Variants in PCDHGA8 observed in about 807,000 individuals in gnomAD.
PCDHGA8 encodes the protein protocadherin gamma-A8.
In PCDHGA8, 45 loss-of-function variants were observed where a neutral mutation model predicts 59.2. The ratio of observed to expected loss-of-function variants is 0.76; its 90% CI spans 0.60 to 0.98. The LOEUF (loss-of-function observed/expected upper bound fraction) is 0.98. Among genes scored for constraint, PCDHGA8 ranks in the 50% least tolerant of loss-of-function variants. The pLI is 0.00. For synonymous variants in PCDHGA8, 531 were observed against 519.0 expected, an observed-to-expected ratio of 1.02 and a Z score of -0.32; for missense variants, 1,257 against 1,196.2, an observed-to-expected ratio of 1.05 and a Z score of -0.75.
chr5:141,444,467 G>C (rs1288596542), intron 1 of PCDHGA8, among the ~76,000 whole-genome samples: 2 of 151,998 alleles, frequency 1.3e-5, no homozygotes, highest in Admixed American at 6.6e-5. Flanking sequence ...CACTGCGCCC[G>C]GTCGCGTACT....
intron 1 of PCDHGA8, among the ~76,000 whole-genome samples, chr5:141,472,039 A>T (rs913132856): frequency 1.3e-5 from 2 of 152,200 alleles, no homozygotes; most frequent in Non-Finnish European, 2.9e-5. Context: ...AGCTGTGAAA[A>T]GATTTTAAAA....
At chr5:141,418,802 T>G (rs775155011) in intron 1 of PCDHGA8, 1 of 1,613,862 alleles carries the variant, frequency 6.2e-7, no homozygotes, top group Non-Finnish European at 8.5e-7. Flanking sequence ...AGTAGAAAGA[T>G]ATACGATAAA....
chr5:141,428,121 G>A (rs764584436), intron 1 of PCDHGA8: 2 of 1,605,742 alleles, frequency 1.2e-6, no homozygotes, highest in Admixed American at 1.7e-5. Flanking sequence ...CATCGAGCCC[G>A]GGCTTTTCAG....
chr5:141,420,313 C>A, intron 1 of PCDHGA8: 1 of 1,434,874 alleles, frequency 7.0e-7, no homozygotes, highest in Non-Finnish European at 9.4e-7. Flanking sequence ...TTTTATATTA[C>A]AATATGCCAA....
intron 1 of PCDHGA8, among the ~76,000 whole-genome samples, chr5:141,424,884 T>C (rs953145254): frequency 2.0e-5 from 3 of 152,186 alleles, no homozygotes; most frequent in Non-Finnish European, 4.4e-5. Flanking sequence ...AGGAGACTTA[T>C]CTAGGGTTTT....
At chr5:141,441,554 G>T (rs3805698) in intron 1 of PCDHGA8, 21,236 of 192,824 alleles carry the variant, frequency 0.11, 1,386 homozygotes, top group African/African-American at 0.18. Flanking sequence ...TCCATAGTGT[G>T]CAAGTAGACA....
chr5:141,419,461 C>T, intron 1 of PCDHGA8: 2 of 1,612,628 alleles, frequency 1.2e-6, no homozygotes, highest in Non-Finnish European at 1.7e-6. Flanking sequence ...CGCTGCAGGC[C>T]CGCGACCAGG....
rs2099401367 is a variant in PCDHGA8 at position 141,476,906 on chromosome 5, G to C, written c.2425-17901G>C. ...GGATGCACCCTCCGGCACGCGCGTG[G>C]TACAAGTCCTTGCAACGGATCTGGA... is the stretch of plus-strand genomic sequence containing the variant. On this transcript the variant is annotated intron_variant, in intron 1 of 3. Coordinates refer to ENST00000398604, the MANE Select transcript of PCDHGA8 (RefSeq NM_032088.2). The surrounding 1 kb of genome is among the most constrained non-coding windows in gnomAD (Gnocchi z 7.6). 2 of 1,614,050 alleles carry C rather than the reference G, an allele frequency of 1.2e-6. No homozygotes were observed. The highest frequency in any genetic ancestry group is 1.7e-6 in the Non-Finnish European group (2 of 1,180,044).
intron 1 of PCDHGA8, chr5:141,398,029 G>C (rs1363038637): frequency 2.7e-6 from 4 of 1,458,540 alleles, no homozygotes; most frequent in Non-Finnish European, 3.7e-6. Flanking sequence ...ACTGGAACTG[G>C]AACTAAAGCC....
intron 1 of PCDHGA8, among the ~76,000 whole-genome samples, chr5:141,472,602 T>C (rs1032061805): frequency 4.6e-5 from 7 of 152,026 alleles, no homozygotes; most frequent in African/African-American, 1.4e-4. Context: ...CTTGAAATTA[T>C]AAAACAAAGA....
chr5:141,431,624 G>C lies in PCDHGA8; in HGVS notation c.2424+36387G>C. The C allele has an allele frequency of 2.5e-6, 4 of 1,614,234 alleles. No individual in the cohort carries two copies. Among genetic ancestry groups the C allele is most frequent in the Non-Finnish European group, 3.4e-6 (4 of 1,180,038 alleles). On this transcript the variant is annotated intron_variant, in intron 1 of 3. Transcript: ENST00000398604. This position sits in a 1 kb window ranked among gnomAD's most constrained non-coding sequence, Gnocchi z 4.8. ...CTTCCGGTATGTGGACGACAAGGCG[G>C]CCCAAGTTTTCAAACTAGATTGTAA...
chr5:141,401,512 A>G (rs556332375), intron 1 of PCDHGA8, among the ~76,000 whole-genome samples: 2 of 152,374 alleles, frequency 1.3e-5, no homozygotes, highest in South Asian at 4.1e-4. Context: ...CCACCTCTAT[A>G]TAATTACCAG....
chr5:141,423,026 G>T (rs1333695085), intron 1 of PCDHGA8: 1 of 1,614,210 alleles, frequency 6.2e-7, no homozygotes, highest in Admixed American at 1.7e-5. Context: ...AAAGATTCAG[G>T]CCAGAACGCC....
At chr5:141,427,401 G>A (rs2097022075) in intron 1 of PCDHGA8, 1 of 461,400 alleles carries the variant, frequency 2.2e-6, no homozygotes, top group Non-Finnish European at 4.3e-6. Flanking sequence ...ACATGATAAA[G>A]ATTCGAGAGA....
intron 1 of PCDHGA8, chr5:141,418,015 G>C: frequency 6.2e-7 from 1 of 1,613,964 alleles, no homozygotes; most frequent in Non-Finnish European, 8.5e-7. Context: ...ACCTCGCTAA[G>C]GATCTAGGGC....
At chr5:141,464,426 G>GAT (rs1287556960) in intron 1 of PCDHGA8, among the ~76,000 whole-genome samples, 1 of 151,096 alleles carries the variant, frequency 6.6e-6, no homozygotes, top group African/African-American at 2.4e-5. Flanking sequence ...TATATATATA[G>GAT]ATATATATGT....
At chr5:141,446,837 T>G (rs2098518039) in intron 1 of PCDHGA8, among the ~76,000 whole-genome samples, 1 of 152,168 alleles carries the variant, frequency 6.6e-6, no homozygotes, top group South Asian at 2.1e-4. Flanking sequence ...CTTATAAGGC[T>G]GAGCATAATA....
Position 141,432,110 on chromosome 5 carries a change from G to T in PCDHGA8, c.2424+36873G>T, listed in dbSNP as rs768038692. The T allele has an allele frequency of 6.2e-7, 1 of 1,614,108 alleles. No homozygotes were observed. Among genetic ancestry groups the T allele is most frequent in the Non-Finnish European group, 8.5e-7 (1 of 1,180,036 alleles). ...GGCAGACACCAACGACAACCCGCCG[G>T]TCTTCCCTCAGGCCTCCTATTCCGC... On this transcript the variant is annotated intron_variant, in intron 1 of 3. Coordinates refer to ENST00000398604, the MANE Select transcript of PCDHGA8 (RefSeq NM_032088.2). The surrounding 1 kb of genome is among the most constrained non-coding windows in gnomAD (Gnocchi z 6.0).
Position 141,487,691 on chromosome 5 carries a change from A to T in PCDHGA8, c.2425-7116A>T. On this transcript the variant is annotated intron_variant, in intron 1 of 3. Transcript: ENST00000398604. The surrounding 1 kb of genome is among the most constrained non-coding windows in gnomAD (Gnocchi z 5.0). ...CATATGGCTAGGCCATGTCCTAGAG[A>T]GTACTGGCCTCTCAGTAAGTGCCCA... 6.2e-7 allele frequency: 1 copy of T among 1,604,122 alleles called. No individual in the cohort carries two copies. The highest frequency in any genetic ancestry group is 8.5e-7 in the Non-Finnish European group (1 of 1,174,384).
Sources: allele counts gnomAD v4.1 joint callset (sites outside exome capture counted in the v4.1 genomes callset), GRCh38; gene constraint gnomAD v4.1.1; non-coding constraint Gnocchi (gnomAD v3.1); transcripts MANE v1.5; gene names NCBI Gene and HGNC (gene_info 2026-07-23, HGNC 2026-07-21).